The following PSMF1 variants were observed in gnomAD, a reference collection of about 807,000 sequenced individuals.
PSMF1 encodes proteasome inhibitor subunit 1.
PSMF1 carries 30 observed loss-of-function variants against 29.3 expected under a neutral mutation model. That is an observed-to-expected ratio of 1.02 (90% CI 0.77 to 1.39). The LOEUF is 1.39. Among genes scored for constraint, PSMF1 ranks in the 40% most tolerant of loss-of-function variants. The probability of loss-of-function intolerance (pLI) is 0.00; values close to 1 mark genes in which losing one functional copy is unlikely to be tolerated. For synonymous variants in PSMF1, 134 were observed against 139.7 expected (o/e 0.96, Z 0.29); for missense variants, 344 against 357.5 (o/e 0.96, Z 0.31).
chr20:1,123,118 C>A (rs1032357957), intron 1 of PSMF1, among the ~76,000 whole-genome samples: 31 of 152,296 alleles, frequency 2.0e-4, no homozygotes, highest in African/African-American at 7.0e-4. Context: ...TCCTCACTCT[C>A]ATTTCTATGC....
intron 4 of PSMF1, among the ~76,000 whole-genome samples, chr20:1,151,860 G>A (rs1410340185): frequency 6.6e-6 from 1 of 152,172 alleles, no homozygotes; most frequent in Non-Finnish European, 1.5e-5. Context: ...TATGGCAGAG[G>A]GAACGATGGG....
At chr20:1,116,496 T>C (rs984483917), upstream of PSMF1, among the ~76,000 whole-genome samples, 16 of 152,066 alleles carry the variant, frequency 1.1e-4, 1 homozygote, top group Non-Finnish European at 1.8e-4. Flanking sequence ...AACACAAAAT[T>C]TGGAGAGGCA....
rs2086772346 is a variant in PSMF1, at chr20:1,169,844, T to G, written c.*4764T>G. On this transcript the variant is annotated 3_prime_UTR_variant, in exon 7 of 7. Transcript: ENST00000335877. ...ATATTGGGGAGATGTCTTTATTCCC[T>G]CTTCCCACCTTTCCTGGAAGGTGCA... is the stretch of plus-strand genomic sequence containing the variant. Among the ~76,000 whole-genome samples, 1 of 152,198 alleles carries G rather than the reference T, an allele frequency of 6.6e-6. No homozygotes were observed. The highest frequency in any genetic ancestry group is 2.1e-4 in the South Asian group (1 of 4,830).
intron 3 of PSMF1, 74 bp from the exon 4 acceptor site, chr20:1,135,047 C>T (rs777745895): frequency 4.0e-6 from 6 of 1,510,142 alleles, no homozygotes; most frequent in South Asian, 2.3e-5. Context: ...CCGCCGCCGT[C>T]GTTGCAGCCA....
At chr20:1,121,223 A>G (rs1487419185) in intron 1 of PSMF1, among the ~76,000 whole-genome samples, 3 of 152,116 alleles carry the variant, frequency 2.0e-5, no homozygotes, top group Non-Finnish European at 4.4e-5. Flanking sequence ...TCTGCAGGCC[A>G]GAAAAAGATG....
chr20:1,153,847 CAAAG>C (rs2086561804), intron 4 of PSMF1, among the ~76,000 whole-genome samples: 1 of 152,010 alleles, frequency 6.6e-6, no homozygotes, highest in African/African-American at 2.4e-5. Flanking sequence ...ATCAGTTGAC[CAAAG>C]AAACAAGTTC....
rs1296657450 is a variant in PSMF1, at chr20:1,168,753, TG to T, written c.*3674del. Among the ~76,000 whole-genome samples the T allele has an allele frequency of 3.3e-5, 5 of 152,238 alleles. No homozygotes were observed. The highest frequency in any genetic ancestry group is 7.3e-5 in the Non-Finnish European group (5 of 68,040). ...TTAATAACATTCTATTAATGATCCATGCCTCTCTTCACAGGAGGAATATTAG... is the reference window on the plus strand; with the variant it reads ...TTAATAACATTCTATTAATGATCCATCCTCTCTTCACAGGAGGAATATTAG... On this transcript the variant is annotated 3_prime_UTR_variant, in exon 7 of 7. Transcript: ENST00000335877.
intron 1 of PSMF1, among the ~76,000 whole-genome samples, chr20:1,122,602 A>G (rs2086103917): frequency 6.6e-6 from 1 of 152,134 alleles, no homozygotes; most frequent in Non-Finnish European, 1.5e-5. Flanking sequence ...GCTCAGCCTC[A>G]GGCCTTTGAT....
chr20:1,148,905 T>G (rs1013318616), intron 4 of PSMF1, among the ~76,000 whole-genome samples: 28 of 152,330 alleles, frequency 1.8e-4, no homozygotes, highest in African/African-American at 6.5e-4. Context: ...TTTACTGCAT[T>G]AGCAGTTACA....
At chr20:1,113,984 C>T (rs1250687566), upstream of PSMF1, among the ~76,000 whole-genome samples, 2 of 152,224 alleles carry the variant, frequency 1.3e-5, no homozygotes, top group African/African-American at 4.8e-5. Flanking sequence ...AGCCACCGCG[C>T]CCGGCCTGGG....
Position 1,118,731 on chromosome 20 carries a change from C to T in PSMF1, c.-43C>T, listed in dbSNP as rs878974483. On this transcript the variant is annotated 5_prime_UTR_variant, in exon 1 of 7. Transcript: ENST00000335877. Reference sequence around the variant, plus strand: ...CGCGGAGCCGGCTCACTGCACTACCCCCGCCCCCTTCTTTCCTCCAGACGC... The same window carrying T: ...CGCGGAGCCGGCTCACTGCACTACCTCCGCCCCCTTCTTTCCTCCAGACGC... 2 of 1,596,340 alleles carry T rather than the reference C, an allele frequency of 1.3e-6. No individual in the cohort carries two copies. The highest frequency in any genetic ancestry group is 8.5e-7 in the Non-Finnish European group (1 of 1,170,244).
rs138283542 is a variant in PSMF1, at chr20:1,160,315, C to A, written c.552-2815C>A. ...CTCCACATCATTTTTAAAACATTCC[C>A]AGAACATGGTTTTTATTGCTTCCAT... On this transcript the variant is annotated intron_variant, in intron 4 of 6. Coordinates refer to ENST00000335877, the MANE Select transcript of PSMF1 (RefSeq NM_006814.5). Among the ~76,000 whole-genome samples, 891 of 152,180 alleles carry A rather than the reference C, an allele frequency of 5.9e-3. 6 individuals carry two copies. Among genetic ancestry groups the A allele is most frequent in the African/African-American group, 0.021 (855 of 41,508 alleles).
Position 1,164,194 on chromosome 20 carries a change from A to C in PSMF1, c.606-124A>C. 1 of 1,011,276 alleles carries C rather than the reference A, an allele frequency of 9.9e-7. No individual in the cohort carries two copies. Among genetic ancestry groups the C allele is most frequent in the Non-Finnish European group, 1.5e-6 (1 of 654,102 alleles). The allele number at this position is 1,011,276 out of a possible 1,614,324, so 62.6% of individuals were successfully genotyped here. A position where few individuals can be genotyped will look rare whatever the true frequency, so the allele number is the denominator to read the frequency against. ...CGCTGGCTCTCAGGCAGCCATCCAC[A>C]TGTCTGCTTGGGCCATCCAGAGTAG... On this transcript the variant is annotated intron_variant, in intron 5 of 6. Coordinates refer to ENST00000335877, the MANE Select transcript of PSMF1 (RefSeq NM_006814.5). This position sits in a 1 kb window ranked among gnomAD's most constrained non-coding sequence, Gnocchi z 4.1.
At chr20:1,160,797 G>A (rs1182623555) in intron 4 of PSMF1, 4 of 434,734 alleles carry the variant, frequency 9.2e-6, no homozygotes, top group Non-Finnish European at 1.4e-5. Context: ...GTACCCCATC[G>A]AGCACAGGAT....
intron 4 of PSMF1, among the ~76,000 whole-genome samples, chr20:1,150,944 G>A (rs893854522): frequency 6.6e-6 from 1 of 152,124 alleles, no homozygotes; most frequent in Non-Finnish European, 1.5e-5. Flanking sequence ...TATTTTTTAT[G>A]TGTGGTGTGA....
At chr20:1,137,340 G>A (rs1264227229) in intron 4 of PSMF1, among the ~76,000 whole-genome samples, 1 of 152,174 alleles carries the variant, frequency 6.6e-6, no homozygotes, top group Non-Finnish European at 1.5e-5. Context: ...ATTAAGTAAA[G>A]GTCGATAGGG....
intron 3 of PSMF1, among the ~76,000 whole-genome samples, chr20:1,131,875 T>C (rs948674947): frequency 6.6e-6 from 1 of 152,128 alleles, no homozygotes; most frequent in African/African-American, 2.4e-5. Flanking sequence ...GGCCTGAATT[T>C]TACACATGCC....
At chr20:1,116,142 G>C (rs544225209), upstream of PSMF1, among the ~76,000 whole-genome samples, 1 of 151,952 alleles carries the variant, frequency 6.6e-6, no homozygotes, top group African/African-American at 2.4e-5. Flanking sequence ...CACTAAGTAG[G>C]CACCTTAAGT....
intron 3 of PSMF1, among the ~76,000 whole-genome samples, chr20:1,133,408 CTA>C (rs1383175579): frequency 6.6e-6 from 1 of 150,672 alleles, no homozygotes; most frequent in Non-Finnish European, 1.5e-5. Context: ...TGATTTGTGA[CTA>C]TTAACCAGTC....
Sources: allele counts gnomAD v4.1 joint callset (sites outside exome capture counted in the v4.1 genomes callset), GRCh38; gene constraint gnomAD v4.1.1; non-coding constraint Gnocchi (gnomAD v3.1); transcripts MANE v1.5; gene names NCBI Gene and HGNC (gene_info 2026-07-23, HGNC 2026-07-21).